Variants in HERC3 observed in about 807,000 individuals in gnomAD.
HERC3 encodes probable E3 ubiquitin-protein ligase HERC3.
In HERC3, 58 loss-of-function variants were observed where a neutral mutation model predicts 129.9. That is an observed-to-expected ratio of 0.45 (90% CI 0.36 to 0.56). The LOEUF (loss-of-function observed/expected upper bound fraction) is 0.56. Among genes scored for constraint, HERC3 ranks in the 20% least tolerant of loss-of-function variants. HERC3 has a pLI of 0.00. For missense variants in HERC3, 835 were observed against 1,244.2 expected, an observed-to-expected ratio of 0.67 and a Z score of 4.95; for synonymous variants, 430 against 451.0, an observed-to-expected ratio of 0.95 and a Z score of 0.59.
the HERC3 span, among the ~76,000 whole-genome samples, chr4:88,553,160 GA>G: frequency 6.6e-6 from 1 of 152,178 alleles, no homozygotes; most frequent in Non-Finnish European, 1.5e-5. Flanking sequence ...TGGGGAAATA[GA>G]AATCATAAGT....
At chr4:88,554,345 C>CAAAAA in the HERC3 span, among the ~76,000 whole-genome samples, 6 of 59,826 alleles carry the variant, frequency 1.0e-4, no homozygotes, top group East Asian at 3.9e-4. Context: ...ACTCCATCTC[C>CAAAAA]AAAAAAAAAA....
At chr4:88,706,644 C>G (rs558007591) in intron 25 of HERC3, 108 bp from the exon 26 acceptor site, 2 of 798,422 alleles carry the variant, frequency 2.5e-6, no homozygotes, top group South Asian at 1.6e-5. Flanking sequence ...AATTGTACTT[C>G]TCATGCAAGC....
chr4:88,606,621 T>C (rs1723669709), intron 3 of HERC3, among the ~76,000 whole-genome samples: 1 of 152,134 alleles, frequency 6.6e-6, no homozygotes, highest in South Asian at 2.1e-4. Context: ...TGGGGAGGCC[T>C]CACAATCATG....
intron 3 of HERC3, among the ~76,000 whole-genome samples, chr4:88,631,096 A>G (rs1726696008): frequency 1.3e-5 from 2 of 152,276 alleles, no homozygotes; most frequent in South Asian, 4.1e-4. Flanking sequence ...TTTTCATAGT[A>G]TTTGTTTTAG....
At chr4:88,569,850 G>T in the HERC3 span, among the ~76,000 whole-genome samples, 1 of 152,212 alleles carries the variant, frequency 6.6e-6, no homozygotes, top group Non-Finnish European at 1.5e-5. Flanking sequence ...CTCACATAGG[G>T]CTGCACATGC....
chr4:88,638,161 T>C (rs1727639643), intron 3 of HERC3, among the ~76,000 whole-genome samples: 1 of 152,062 alleles, frequency 6.6e-6, no homozygotes, highest in South Asian at 2.1e-4. Context: ...CTACCAGAGG[T>C]ACAAAGAGGA....
chr4:88,661,988 A>T (rs942691404), intron 10 of HERC3, among the ~76,000 whole-genome samples: 2 of 152,194 alleles, frequency 1.3e-5, no homozygotes, highest in Non-Finnish European at 2.9e-5. Flanking sequence ...TGGGAAACAG[A>T]CCCGAGACTC....
chr4:88,704,040 A>C (rs1283543361), intron 23 of HERC3, 58 bp from the exon 24 acceptor site: 43 of 1,471,288 alleles, frequency 2.9e-5, no homozygotes, highest in Non-Finnish European at 3.9e-5. Context: ...GTAGAAGGGT[A>C]ACTTCATAAG....
intron 23 of HERC3, among the ~76,000 whole-genome samples, chr4:88,691,983 G>A (rs527514251): frequency 6.6e-6 from 1 of 152,178 alleles, no homozygotes; most frequent in Non-Finnish European, 1.5e-5. Context: ...TACCAATTCT[G>A]TATTCATAAT....
chr4:88,601,766 A>G (rs1360213620), intron 2 of HERC3, among the ~76,000 whole-genome samples: 1 of 131,640 alleles, frequency 7.6e-6, no homozygotes, highest in Non-Finnish European at 1.5e-5. Flanking sequence ...TTAGAAAAGG[A>G]TATTCAGGGG....
intron 16 of HERC3, among the ~76,000 whole-genome samples, chr4:88,671,570 C>G (rs1731616856): frequency 6.6e-6 from 1 of 152,150 alleles, no homozygotes; most frequent in Admixed American, 6.6e-5. Flanking sequence ...ATCACCCAGG[C>G]TGGAGTGCAG....
At chr4:88,543,714 A>G in the HERC3 span, among the ~76,000 whole-genome samples, 3 of 152,326 alleles carry the variant, frequency 2.0e-5, no homozygotes, top group South Asian at 6.2e-4. Flanking sequence ...ACTGGCACCA[A>G]AACAGATATA....
chr4:88,693,691 T>C (rs1422222808), intron 23 of HERC3: 1 of 984,614 alleles, frequency 1.0e-6, no homozygotes, highest in Non-Finnish European at 1.2e-6. Flanking sequence ...TGTCTATGTG[T>C]ATGCATTGAG....
At chr4:88,671,902 A>G (rs1397840481) in intron 16 of HERC3, among the ~76,000 whole-genome samples, 1 of 152,228 alleles carries the variant, frequency 6.6e-6, no homozygotes, top group Non-Finnish European at 1.5e-5. Context: ...GAGGCTAGTA[A>G]TGAACTCTGT....
chr4:88,592,976 C>G (rs925584579), intron 1 of HERC3, among the ~76,000 whole-genome samples: 1 of 152,170 alleles, frequency 6.6e-6, no homozygotes, highest in Non-Finnish European at 1.5e-5. Flanking sequence ...TGCTCGCCCC[C>G]TGCCCCTATT....
chr4:88,592,764 G>T (rs1304624202), intron 1 of HERC3, among the ~76,000 whole-genome samples, 190 bp downstream of exon 1: 3 of 152,004 alleles, frequency 2.0e-5, no homozygotes, highest in Non-Finnish European at 4.4e-5. Flanking sequence ...GCGCGGGGAG[G>T]TTGGGGCGCG....
At position 88,593,970 on chromosome 4, in the gene HERC3, T is replaced by C. The variant is rs1162415712; in HGVS notation, c.-88+1396T>C. The stretch of plus-strand genomic sequence containing the variant: ...AAAGCAAAATAATTGAATTACATAT[T>C]TTACATCATGGTCGTACCGCCTTCG... On this transcript the variant is annotated intron_variant, in intron 1 of 25. Coordinates refer to ENST00000402738, the MANE Select transcript of HERC3 (RefSeq NM_014606.3). 3.9e-5 allele frequency among the ~76,000 whole-genome samples: 6 copies of C among 152,278 alleles called. No homozygotes were observed. The East Asian group carries it at 1.2e-3, about 29-fold the overall frequency.
chr4:88,678,853 C>T (rs114566974), intron 19 of HERC3, among the ~76,000 whole-genome samples: 2,383 of 152,256 alleles, frequency 0.016, 57 homozygotes, highest in African/African-American at 0.054. Context: ...TAGCATCAGT[C>T]GTATCAATCT....
chr4:88,638,626 C>T (rs1486010959), intron 3 of HERC3, among the ~76,000 whole-genome samples: 1 of 152,120 alleles, frequency 6.6e-6, no homozygotes. Context: ...AAACCCACAG[C>T]CAGTATCGTA....
Sources: allele counts gnomAD v4.1 joint callset (sites outside exome capture counted in the v4.1 genomes callset), GRCh38; gene constraint gnomAD v4.1.1; transcripts MANE v1.5; gene names NCBI Gene and HGNC (gene_info 2026-07-23, HGNC 2026-07-21).